The following PLEKHG4B variants were observed in gnomAD, a reference collection of about 807,000 sequenced individuals.
PLEKHG4B encodes the protein pleckstrin homology domain-containing family G member 4B.
PLEKHG4B carries 111 observed loss-of-function variants against 121.3 expected under a neutral mutation model. The observed-to-expected ratio is 0.92, with a 90% CI of 0.78 to 1.07. PLEKHG4B has a LOEUF of 1.07. PLEKHG4B is among the 50% of genes least tolerant of loss of function. PLEKHG4B has a pLI of 0.00. For synonymous variants in PLEKHG4B, 738 were observed against 725.0 expected (o/e 1.02, Z -0.29); for missense variants, 1,831 against 1,757.8 (o/e 1.04, Z -0.74).
Position 171,258 on chromosome 5 carries a change from C to T in PLEKHG4B, c.3864C>T (p.Tyr1288=). The T allele has an allele frequency of 1.9e-6, 3 of 1,609,252 alleles. No individual in the cohort carries two copies. The highest frequency in any genetic ancestry group is 2.5e-6 in the Non-Finnish European group (3 of 1,177,534). ...ELGDKMDLAS[Y]LLRPVQRVAK... is the part of the protein sequence containing the mutation. ...GTGACAAAATGGACCTGGCCTCCTA[C>T]CTGCTGCGGCCCGTGCAGCGTGTGG... is the stretch of plus-strand genomic sequence containing the variant. The change falls in exon 16 of 20, where the codon TAC becomes TAT. Residue 1288 remains tyrosine, a synonymous_variant. Coordinates refer to ENST00000637938, the MANE Select transcript of PLEKHG4B (RefSeq NM_052909.5).
chr5:155,939 AG>A, intron 9 of PLEKHG4B, 131 bp from the exon 10 acceptor site: 1 of 891,726 alleles, frequency 1.1e-6, no homozygotes, highest in Non-Finnish European at 1.6e-6. Flanking sequence ...CAGCTTGAGG[AG>A]TGGGCACTGT....
At chr5:150,658 A>G (rs1013975223) in intron 6 of PLEKHG4B, among the ~76,000 whole-genome samples, 1 of 152,234 alleles carries the variant, frequency 6.6e-6, no homozygotes. Flanking sequence ...CAGATGGCAA[A>G]TAAGCACATA....
chr5:143,040 T>C lies in PLEKHG4B; in HGVS notation c.1478-7T>C. 2 of 1,612,608 alleles carry C rather than the reference T, an allele frequency of 1.2e-6. 1 individual carries two copies. The highest frequency in any genetic ancestry group is 2.2e-5 in the South Asian group (2 of 91,052). ...CATCTTTGACACGGCCTCTTTCCTT[T>C]GTCCAGACGTTCTTGCATCCTCAGC... On this transcript the variant is annotated splice_polypyrimidine_tract_variant and splice_region_variant and intron_variant, in intron 3 of 19. Coordinates refer to ENST00000637938, the MANE Select transcript of PLEKHG4B (RefSeq NM_052909.5).
chr5:165,087 G>A (rs528228857), intron 13 of PLEKHG4B, among the ~76,000 whole-genome samples: 4 of 108,034 alleles, frequency 3.7e-5, no homozygotes, highest in East Asian at 2.5e-4. Flanking sequence ...CTGACGGGGC[G>A]GGGCTCACAC....
chr5:107,341 C>T (rs1734006234), intron 1 of PLEKHG4B, among the ~76,000 whole-genome samples: 1 of 152,180 alleles, frequency 6.6e-6, no homozygotes, highest in Non-Finnish European at 1.5e-5. Flanking sequence ...TGCTCTGGGC[C>T]CCATCCTGGG....
chr5:119,776 G>A (rs1734414503), intron 2 of PLEKHG4B, among the ~76,000 whole-genome samples: 1 of 152,216 alleles, frequency 6.6e-6, no homozygotes, highest in South Asian at 2.1e-4. Context: ...CTTCTTTGCT[G>A]AGACAAGGAG....
chr5:116,194 C>T (rs1734302502), intron 2 of PLEKHG4B, among the ~76,000 whole-genome samples: 1 of 152,156 alleles, frequency 6.6e-6, no homozygotes, highest in Admixed American at 6.5e-5. Flanking sequence ...AATAGGGAGG[C>T]CCAAGGAAAG....
At chr5:133,047 T>C (rs1374704512) in intron 2 of PLEKHG4B, among the ~76,000 whole-genome samples, 1 of 152,256 alleles carries the variant, frequency 6.6e-6, no homozygotes, top group Non-Finnish European at 1.5e-5. Flanking sequence ...TCCATTTGTT[T>C]GTGTCATCTA....
Position 101,536 on chromosome 5 carries a change from T to A in PLEKHG4B, c.45+9260T>A, listed in dbSNP as rs34013398. 1.5e-3 allele frequency among the ~76,000 whole-genome samples: 167 copies of A among 115,002 alleles called. 3 individuals carry two copies. The highest frequency in any genetic ancestry group is 4.7e-3 in the Middle Eastern group (1 of 214). The allele number at this position is 115,002 out of a possible 152,430, so 75.4% of individuals were successfully genotyped here. ...TGTAGGGGAGAGACTGTTGTGAGGT[T>A]AATCCATATAAAGCTCTGGAAAAAG... On this transcript the variant is annotated intron_variant, in intron 1 of 19. Coordinates refer to ENST00000637938, the MANE Select transcript of PLEKHG4B (RefSeq NM_052909.5).
rs1733710644 is a variant in PLEKHG4B at position 188,968 on chromosome 5, T to A, written c.*6645T>A. 6.6e-6 allele frequency: 1 copy of A among 152,278 alleles called. No individual in the cohort carries two copies. Among genetic ancestry groups the A allele is most frequent in the African/African-American group, 2.4e-5 (1 of 41,470 alleles). The allele number at this position is 152,278 out of a possible 1,614,324, so 9.4% of individuals were successfully genotyped here. A position where few individuals can be genotyped will look rare whatever the true frequency, so the allele number is the denominator to read the frequency against. On this transcript the variant is annotated 3_prime_UTR_variant, in exon 20 of 20. Transcript: ENST00000637938. ...GCGACGTGAGTAACAGCAGTTTTTC[T>A]TCTGACAGCTGGGATGGAGGTGGGT...
At chr5:152,981 C>G (rs1051336008) in intron 7 of PLEKHG4B, among the ~76,000 whole-genome samples, 1 of 152,220 alleles carries the variant, frequency 6.6e-6, no homozygotes, top group African/African-American at 2.4e-5. Context: ...CCCAGCCATG[C>G]AAAACTGTGA....
At chr5:176,316 C>G (rs1438709627) in intron 18 of PLEKHG4B, among the ~76,000 whole-genome samples, 1 of 152,140 alleles carries the variant, frequency 6.6e-6, no homozygotes, top group Non-Finnish European at 1.5e-5. Context: ...GACTGTAGTG[C>G]ACAAAGTCTC....
chr5:164,793 C>G (rs189149567), intron 13 of PLEKHG4B, among the ~76,000 whole-genome samples: 1 of 88,652 alleles, frequency 1.1e-5, no homozygotes, highest in Non-Finnish European at 2.3e-5. Context: ...AATGCTCTGA[C>G]GGGGCGGAGC....
chr5:164,565 A>T (rs1234623563), intron 13 of PLEKHG4B, among the ~76,000 whole-genome samples: 1 of 34,090 alleles, frequency 2.9e-5, no homozygotes, highest in Admixed American at 2.3e-4. Context: ...ATGCTCTGAC[A>T]GGGGGCGGAG....
At chr5:155,982 A>G (rs1735764563) in intron 9 of PLEKHG4B, 89 bp from the exon 10 acceptor site, 3 of 1,312,464 alleles carry the variant, frequency 2.3e-6, no homozygotes, top group Non-Finnish European at 1.0e-6. Context: ...TGATTTATGG[A>G]AACAGGACAT....
chr5:167,100 A>T (rs1290692696), intron 13 of PLEKHG4B, among the ~76,000 whole-genome samples: 1 of 152,148 alleles, frequency 6.6e-6, no homozygotes, highest in Non-Finnish European at 1.5e-5. Flanking sequence ...TAGTGAGTAC[A>T]TTGTCCATTT....
chr5:163,916 CTT>C (rs1281195127), intron 13 of PLEKHG4B, among the ~76,000 whole-genome samples: 1 of 152,242 alleles, frequency 6.6e-6, no homozygotes, highest in African/African-American at 2.4e-5. Flanking sequence ...TAAAAAGTCT[CTT>C]AAGTGTTAGG....
intron 11 of PLEKHG4B, among the ~76,000 whole-genome samples, chr5:158,093 C>T (rs901050017): frequency 6.6e-6 from 1 of 152,176 alleles, no homozygotes; most frequent in Non-Finnish European, 1.5e-5. Flanking sequence ...GGCCAAGCTG[C>T]AGCCACCAGC....
intron 2 of PLEKHG4B, among the ~76,000 whole-genome samples, chr5:117,217 A>C (rs752748618): frequency 1.2e-4 from 18 of 152,258 alleles, no homozygotes; most frequent in Non-Finnish European, 2.6e-4. Context: ...CTTTTGAATG[A>C]TAAAAATAAA....
Sources: allele counts gnomAD v4.1 joint callset (sites outside exome capture counted in the v4.1 genomes callset), GRCh38; gene constraint gnomAD v4.1.1; transcripts MANE v1.5; gene names NCBI Gene and HGNC (gene_info 2026-07-23, HGNC 2026-07-21).